Variants in CLNS1A observed in about 807,000 individuals in gnomAD.
CLNS1A encodes methylosome subunit pICln.
Under a neutral mutation model 29.4 loss-of-function variants are expected in CLNS1A, and 16 were observed. That is an observed-to-expected ratio of 0.54 (90% CI 0.37 to 0.83). The LOEUF (loss-of-function observed/expected upper bound fraction) is 0.83. CLNS1A is among the 40% of genes least tolerant of loss of function. The pLI is 0.00. For missense variants in CLNS1A, 235 were observed against 287.4 expected (o/e 0.82, Z 1.32); for synonymous variants, 96 against 104.8 (o/e 0.92, Z 0.51).
At position 77,629,872 on chromosome 11, in the gene CLNS1A, T is replaced by C. The variant is rs1270124866; in HGVS notation, c.153A>G (p.Gly51=). The change falls in exon 2 of 7, where the codon GGA becomes GGG. Residue 51 remains glycine, a synonymous_variant. Coordinates refer to ENST00000525428, the MANE Select transcript of CLNS1A (RefSeq NM_001293.3). The part of the protein sequence containing the change: ...ESRLSWLDGS[G]LGFSLEYPTI... The stretch of plus-strand genomic sequence containing the variant: ...TGGGGTATTCCAGTGAGAATCCTAA[T>C]CCAGAGCCATCTAACCAAGACAGGC... 1 of 1,614,110 alleles carries C rather than the reference T, an allele frequency of 6.2e-7. No homozygotes were observed. Among genetic ancestry groups the C allele is most frequent in the South Asian group, 1.1e-5 (1 of 91,078 alleles).
At chr11:77,637,510 C>T (rs1417749867) in intron 1 of CLNS1A, 80 bp downstream of exon 1, 1 of 1,482,144 alleles carries the variant, frequency 6.7e-7, no homozygotes, top group East Asian at 2.5e-5. Flanking sequence ...CCGCCCCTTG[C>T]CCGGCTCCTT....
chr11:77,632,274 T>C (rs1003825289), intron 1 of CLNS1A, among the ~76,000 whole-genome samples: 1 of 152,184 alleles, frequency 6.6e-6, no homozygotes, highest in East Asian at 1.9e-4. Context: ...CCTTTTCTGA[T>C]CTCAAAAATT....
chr11:77,625,633 G>T, intron 3 of CLNS1A, 84 bp downstream of exon 3: 1 of 1,106,456 alleles, frequency 9.0e-7, no homozygotes, highest in Non-Finnish European at 1.3e-6. Flanking sequence ...GGTGAGAGGT[G>T]TGTGTGTGTG....
intron 2 of CLNS1A, among the ~76,000 whole-genome samples, chr11:77,628,563 T>G (rs189423417): frequency 2.0e-5 from 3 of 152,208 alleles, no homozygotes; most frequent in Admixed American, 1.3e-4. Flanking sequence ...TTCAGATAGC[T>G]GAATCAGTCA....
rs909456922 is a variant in CLNS1A at position 77,622,675 on chromosome 11, TAAAC to T, written c.473-6_473-3del. 1.9e-6 allele frequency: 3 copies of T among 1,565,740 alleles called. No homozygotes were observed. Among genetic ancestry groups the T allele is most frequent in the Non-Finnish European group, 2.6e-6 (3 of 1,162,744 alleles). On this transcript the variant is annotated splice_polypyrimidine_tract_variant and splice_region_variant and intron_variant, in intron 4 of 6. Transcript: ENST00000525428. ...TAGGGATGTCCCCCTGTCCTTGTTC[TAAAC>T]AAACAGAAAACTTTAAAGTTTAAAT...
chr11:77,628,271 T>G (rs1268292493), intron 2 of CLNS1A, among the ~76,000 whole-genome samples: 1 of 152,202 alleles, frequency 6.6e-6, no homozygotes, highest in Non-Finnish European at 1.5e-5. Context: ...GCATCTGGAG[T>G]TGACTGACAA....
intron 1 of CLNS1A, 77 bp from the exon 2 acceptor site, chr11:77,629,976 G>C: frequency 7.5e-7 from 1 of 1,336,784 alleles, no homozygotes; most frequent in Non-Finnish European, 1.1e-6. Context: ...TAAAAGTTCA[G>C]CTTGGACACC....
chr11:77,637,514 G>T, intron 1 of CLNS1A, 76 bp downstream of exon 1: 1 of 1,485,018 alleles, frequency 6.7e-7, no homozygotes. Context: ...CCCTTGCCCG[G>T]CTCCTTCGCA....
intron 1 of CLNS1A, among the ~76,000 whole-genome samples, chr11:77,635,550 A>C (rs942496604): frequency 4.0e-5 from 6 of 151,648 alleles, no homozygotes; most frequent in African/African-American, 1.5e-4. Context: ...AGGGTTTCAC[A>C]TTGTTGGCCA....
Position 77,619,586 on chromosome 11 carries a change from G to A in CLNS1A, c.*22+20C>T. 3 of 1,380,930 alleles carry A rather than the reference G, an allele frequency of 2.2e-6. No individual in the cohort carries two copies. The highest frequency in any genetic ancestry group is 3.1e-6 in the Non-Finnish European group (3 of 967,300). 85.5% of individuals were successfully genotyped at this position (1,380,930 alleles called of 1,614,324 possible). On this transcript the variant is annotated intron_variant, in intron 6 of 6. Coordinates refer to ENST00000525428, the MANE Select transcript of CLNS1A (RefSeq NM_001293.3). Reference sequence around the variant, plus strand: ...TATGATTTTCATGATCAGCGACAAGGGAGAAAATGAACTACTCACCTTAAA... The same window carrying A: ...TATGATTTTCATGATCAGCGACAAGAGAGAAAATGAACTACTCACCTTAAA...
chr11:77,631,654 T>C (rs527891362), intron 1 of CLNS1A, among the ~76,000 whole-genome samples: 6 of 151,514 alleles, frequency 4.0e-5, no homozygotes, highest in Non-Finnish European at 8.8e-5. Flanking sequence ...AGTAAGAATA[T>C]ATGCACTGTC....
rs138057359 is a variant in CLNS1A at position 77,619,284 on chromosome 11, T to C, written c.*22+322A>G. 4.0e-3 allele frequency among the ~76,000 whole-genome samples: 606 copies of C among 152,304 alleles called. 3 individuals carry two copies. The highest frequency in any genetic ancestry group is 0.014 in the African/African-American group (582 of 41,570). On this transcript the variant is annotated intron_variant, in intron 6 of 6. Coordinates refer to ENST00000525428, the MANE Select transcript of CLNS1A (RefSeq NM_001293.3). ...CAGTGGCTCACAGCTGTAATCCCAG[T>C]ACTTTCGGATGCCGAGGAGGGAGAA...
chr11:77,632,730 G>A (rs557967737), intron 1 of CLNS1A, among the ~76,000 whole-genome samples: 1 of 152,036 alleles, frequency 6.6e-6, no homozygotes, highest in East Asian at 1.9e-4. Flanking sequence ...TTTTAAATGG[G>A]AAAACAACTT....
In CLNS1A at chr11:77,625,045, G is replaced by A. The variant is rs748760788; in HGVS notation, c.390C>T (p.Cys130=). 17 of 1,612,604 alleles carry A rather than the reference G, an allele frequency of 1.1e-5. No homozygotes were observed. The highest frequency in any genetic ancestry group is 4.0e-5 in the African/African-American group (3 of 74,864). Residue 130 remains cysteine (C), a synonymous_variant, in exon 4 of 7, where the codon TGC becomes TGT. Transcript: ENST00000525428. ...GATCTGGATGCAAGGCCTGGCATTC[G>A]CACATTGCAGTGAACATTGCCTCCA... The part of the protein sequence containing the change: ...SALEAMFTAM[C]ECQALHPDPE...
chr11:77,633,511 A>C (rs905006690), intron 1 of CLNS1A, among the ~76,000 whole-genome samples: 1 of 152,246 alleles, frequency 6.6e-6, no homozygotes, highest in Non-Finnish European at 1.5e-5. Context: ...GACAAGAAGA[A>C]TTAGACACAG....
chr11:77,631,841 G>A (rs1040056901), intron 1 of CLNS1A, among the ~76,000 whole-genome samples: 18 of 151,722 alleles, frequency 1.2e-4, no homozygotes, highest in South Asian at 2.1e-4. Flanking sequence ...GGGTTCAGGC[G>A]ATTCTCCTGC....
At chr11:77,631,560 AC>A (rs564903682) in intron 1 of CLNS1A, among the ~76,000 whole-genome samples, 1 of 151,424 alleles carries the variant, frequency 6.6e-6, no homozygotes, top group East Asian at 2.0e-4. Flanking sequence ...CTCGTGATCC[AC>A]CCGCCTCGGC....
chr11:77,618,760 G>A (rs1242718873), intron 6 of CLNS1A: 1 of 152,174 alleles, frequency 6.6e-6, no homozygotes, highest in Admixed American at 6.5e-5. Context: ...TACAGAACTA[G>A]GTTCAGAACT....
In CLNS1A at chr11:77,637,783, G is replaced by A. The variant is rs1467009890; in HGVS notation, c.-69C>T. On this transcript the variant is annotated 5_prime_UTR_variant, in exon 1 of 7. Transcript: ENST00000525428. ...CAGCAATGCGTGCACCACACCGCCC[G>A]CCCTGGAAGAGGCAGTCACCCCGGA... 15 of 1,470,688 alleles carry A rather than the reference G, an allele frequency of 1.0e-5. No homozygotes were observed. Among genetic ancestry groups the A allele is most frequent in the African/African-American group, 2.8e-5 (2 of 70,798 alleles). The allele number at this position is 1,470,688 out of a possible 1,614,324, so 91.1% of individuals were successfully genotyped here.
Sources: allele counts gnomAD v4.1 joint callset (sites outside exome capture counted in the v4.1 genomes callset), GRCh38; gene constraint gnomAD v4.1.1; transcripts MANE v1.5; gene names NCBI Gene and HGNC (gene_info 2026-07-23, HGNC 2026-07-21).